The following NRCAM variants were observed in gnomAD, a reference collection of about 807,000 sequenced individuals.
NRCAM encodes the protein neuronal cell adhesion molecule, also known as NgCAM-related cell adhesion molecule.
A neutral mutation model predicts 156.5 loss-of-function variants in NRCAM; 83 were observed. The observed-to-expected ratio is 0.53, with a 90% CI of 0.44 to 0.64. The LOEUF is 0.64. Among genes scored for constraint, NRCAM ranks in the 30% least tolerant of loss-of-function variants. The pLI is 0.00. For missense variants in NRCAM, 1,417 were observed against 1,597.3 expected (o/e 0.89, Z 1.92); for synonymous variants, 538 against 563.9 (o/e 0.95, Z 0.65).
chr7:108,180,623 C>T (rs554719503), intron 24 of NRCAM, among the ~76,000 whole-genome samples, 196 bp from the exon 25 acceptor site: 2 of 152,326 alleles, frequency 1.3e-5, no homozygotes, highest in South Asian at 2.1e-4. Context: ...AATTAAATTA[C>T]AGCCACATGA....
At chr7:108,438,802 T>G (rs1270436495) in intron 1 of NRCAM, among the ~76,000 whole-genome samples, 1 of 152,168 alleles carries the variant, frequency 6.6e-6, no homozygotes, top group Non-Finnish European at 1.5e-5. Flanking sequence ...AGATACAGGA[T>G]GTAAGGTCAA....
chr7:108,345,216 T>C (rs1252882913), intron 2 of NRCAM, among the ~76,000 whole-genome samples: 1 of 152,224 alleles, frequency 6.6e-6, no homozygotes, highest in African/African-American at 2.4e-5. Flanking sequence ...AGGTTCATCT[T>C]TGAACCTTAG....
In NRCAM at chr7:108,184,278, A is replaced by G; in HGVS notation, c.2267T>C (p.Leu756Pro). The change falls in exon 22 of 33, where the codon CTG (leucine) becomes CCG (proline). Residue 756 changes from leucine to proline, a missense_variant. Leu to Pro is a moderately conservative substitution (Grantham distance 98). Transcript: ENST00000379028. Reference sequence around the variant, plus strand: ...CACCAAATTATCAGGCTCTGATCCCAGTCCTTCCACAGCTGTGGGGTTTTT... The same window carrying G: ...CACCAAATTATCAGGCTCTGATCCCGGTCCTTCCACAGCTGTGGGGTTTTT... ...PDKNPTAVEG[L>P]GSEPDNLVIT... 1.2e-6 allele frequency: 2 copies of G among 1,614,142 alleles called. No homozygotes were observed. The highest frequency in any genetic ancestry group is 1.7e-6 in the Non-Finnish European group (2 of 1,180,000).
chr7:108,269,154 T>C (rs1244080845), intron 3 of NRCAM, among the ~76,000 whole-genome samples: 1 of 148,972 alleles, frequency 6.7e-6, no homozygotes, highest in African/African-American at 2.5e-5. Context: ...CATGTCTTCG[T>C]GCTGTATTTG....
At chr7:108,245,445 T>C (rs752701146) in intron 3 of NRCAM, among the ~76,000 whole-genome samples, 3 of 152,204 alleles carry the variant, frequency 2.0e-5, no homozygotes, top group Admixed American at 6.5e-5. Context: ...TAGGACCCCA[T>C]GGACTTCTAC....
At chr7:108,260,922 G>A (rs1219624168) in intron 3 of NRCAM, among the ~76,000 whole-genome samples, 1 of 152,132 alleles carries the variant, frequency 6.6e-6, no homozygotes, top group Non-Finnish European at 1.5e-5. Flanking sequence ...TTCCTGGCAA[G>A]GTTCTAGGTA....
chr7:108,276,831 T>C (rs1036221607), intron 3 of NRCAM, among the ~76,000 whole-genome samples: 3 of 152,206 alleles, frequency 2.0e-5, no homozygotes, highest in African/African-American at 4.8e-5. Flanking sequence ...TTCATAGCGT[T>C]GATGGTCTTT....
chr7:108,362,284 T>A (rs1343863756), intron 2 of NRCAM, among the ~76,000 whole-genome samples: 1 of 152,104 alleles, frequency 6.6e-6, no homozygotes, highest in Middle Eastern at 3.2e-3. Context: ...AGAGCACTAA[T>A]CCCATCGTGA....
chr7:108,325,665 TGATTC>T (rs1475247733), intron 2 of NRCAM, among the ~76,000 whole-genome samples: 2 of 152,166 alleles, frequency 1.3e-5, no homozygotes, highest in Non-Finnish European at 2.9e-5. Flanking sequence ...CATGTCTTAT[TGATTC>T]ATCTTTTTTT....
Position 108,381,629 on chromosome 7 carries a change from G to A in NRCAM, c.-174+17807C>T, listed in dbSNP as rs527520501. Among the ~76,000 whole-genome samples, 13 of 148,618 alleles carry A rather than the reference G, an allele frequency of 8.7e-5. No individual in the cohort carries two copies. In the East Asian group the frequency reaches 2.4e-3, roughly 27 times the overall value. Reference sequence around the variant, plus strand: ...GGCTAGACTGCAATGGTGCGATTTCGGCTCACTTCAACCTCCGCCTCCCAG... The same window carrying A: ...GGCTAGACTGCAATGGTGCGATTTCAGCTCACTTCAACCTCCGCCTCCCAG... On this transcript the variant is annotated intron_variant, in intron 2 of 32. Transcript: ENST00000379028.
chr7:108,252,202 A>G (rs116894560), intron 3 of NRCAM, among the ~76,000 whole-genome samples: 6,165 of 152,226 alleles, frequency 0.04, 167 homozygotes, highest in Middle Eastern at 0.078. Context: ...GAATGGGGAG[A>G]ATAAATGGCT....
chr7:108,243,711 C>A (rs1168470428), intron 3 of NRCAM, among the ~76,000 whole-genome samples: 1 of 152,068 alleles, frequency 6.6e-6, no homozygotes, highest in African/African-American at 2.4e-5. Flanking sequence ...AAATAGATCA[C>A]CCTATTTAAA....
At chr7:108,183,218 G>A (rs923315621) in intron 22 of NRCAM, among the ~76,000 whole-genome samples, 8 of 151,928 alleles carry the variant, frequency 5.3e-5, no homozygotes, top group Non-Finnish European at 8.8e-5. Context: ...TAGACATTTC[G>A]GTCACATAGA....
chr7:108,332,238 A>G (rs1167844821), intron 2 of NRCAM, among the ~76,000 whole-genome samples: 2 of 152,216 alleles, frequency 1.3e-5, no homozygotes, highest in African/African-American at 4.8e-5. Flanking sequence ...CTTTTTCATA[A>G]TTTACTGATA....
intron 3 of NRCAM, among the ~76,000 whole-genome samples, chr7:108,267,597 A>G (rs2097156138): frequency 6.6e-6 from 1 of 152,252 alleles, no homozygotes; most frequent in African/African-American, 2.4e-5. Context: ...ATTTTTTAAA[A>G]GGGAAACGGT....
intron 11 of NRCAM, among the ~76,000 whole-genome samples, chr7:108,219,951 C>G (rs2091543340): frequency 6.6e-6 from 1 of 152,080 alleles, no homozygotes; most frequent in Non-Finnish European, 1.5e-5. Flanking sequence ...CCTTGAAAAC[C>G]TTAAAGACTT....
At position 108,317,096 on chromosome 7, in the gene NRCAM, G is replaced by A. The variant is rs116379150; in HGVS notation, c.-173-4365C>T. ...TGAAAAGTTGCACAGCATGGCCTTT[G>A]TCAGCTTGGGTGAAGAGTAGAGATC... On this transcript the variant is annotated intron_variant, in intron 2 of 32. Coordinates refer to ENST00000379028, the MANE Select transcript of NRCAM (RefSeq NM_001037132.4). Among the ~76,000 whole-genome samples, 874 of 152,284 alleles carry A rather than the reference G, an allele frequency of 5.7e-3. 8 individuals carry two copies. The highest frequency in any genetic ancestry group is 0.02 in the African/African-American group (832 of 41,554).
chr7:108,318,039 CTTTT>C (rs779703662), intron 2 of NRCAM, among the ~76,000 whole-genome samples: 39 of 72,846 alleles, frequency 5.4e-4, no homozygotes, highest in Non-Finnish European at 6.4e-4. Context: ...TTCACTTTTC[CTTTT>C]TTTTTTTTTT....
chr7:108,273,310 G>A (rs756898029), intron 3 of NRCAM, among the ~76,000 whole-genome samples: 3 of 152,152 alleles, frequency 2.0e-5, no homozygotes, highest in Non-Finnish European at 4.4e-5. Context: ...CTAGATCCTT[G>A]AGGAATCGCC....
Sources: allele counts gnomAD v4.1 joint callset (sites outside exome capture counted in the v4.1 genomes callset), GRCh38; gene constraint gnomAD v4.1.1; transcripts MANE v1.5; gene names NCBI Gene and HGNC (gene_info 2026-07-23, HGNC 2026-07-21).